Variants in ZC3H7B observed in about 807,000 individuals in gnomAD.
ZC3H7B encodes zinc finger CCCH domain-containing protein 7B.
Under a neutral mutation model 116.0 loss-of-function variants are expected in ZC3H7B, and 35 were observed. The ratio of observed to expected loss-of-function variants is 0.30; its 90% CI spans 0.23 to 0.40. The LOEUF (loss-of-function observed/expected upper bound fraction) is 0.40, where lower values mean the gene tolerates loss of function less well. ZC3H7B is among the 10% of genes least tolerant of loss of function. ZC3H7B has a pLI of 1.00. For missense variants in ZC3H7B, 1,011 were observed against 1,321.5 expected (o/e 0.77, Z 3.64); for synonymous variants, 502 against 545.6 (o/e 0.92, Z 1.11).
At chr22:41,309,008 CTTTTTTTTTTTTT>C (rs57147100) in intron 1 of ZC3H7B, among the ~76,000 whole-genome samples, 1 of 103,304 alleles carries the variant, frequency 9.7e-6, no homozygotes, top group Non-Finnish European at 1.9e-5. Context: ...TCCCAGTCTG[CTTTTTTTTTTTTT>C]TTTTTTTTGA....
At chr22:41,335,408 G>A (rs2036431434) in intron 7 of ZC3H7B, 2 of 152,294 alleles carry the variant, frequency 1.3e-5, no homozygotes, top group South Asian at 4.1e-4. Flanking sequence ...CAGAAGGAGT[G>A]CCATGCAGAA....
chr22:41,357,513 C>G lies in ZC3H7B; in HGVS notation c.*84C>G. 1 of 826,214 alleles carries G rather than the reference C, an allele frequency of 1.2e-6. No homozygotes were observed. The highest frequency in any genetic ancestry group is 1.7e-6 in the Non-Finnish European group (1 of 572,844). 51.2% of individuals were successfully genotyped at this position (826,214 alleles called of 1,614,324 possible). On this transcript the variant is annotated 3_prime_UTR_variant, in exon 23 of 23. Coordinates refer to ENST00000352645, the MANE Select transcript of ZC3H7B (RefSeq NM_017590.6). The surrounding 1 kb of genome is among the most constrained non-coding windows in gnomAD (Gnocchi z 5.4). ...GCCTGATAGAAGGGTCAGGGCAGGC[C>G]AGGGGGGTGGGGGGCCGCCCTCATC... is the stretch of plus-strand genomic sequence containing the variant.
Position 41,327,294 on chromosome 22 carries a change from C to T in ZC3H7B, c.374C>T (p.Ala125Val), listed in dbSNP as rs1482159598. ...SIRALFRKAR[A>V]LNELGRHKEA... ...CGGGCGTTGTTCCGCAAGGCACGCG[C>T]TCTCAATGAACTGGGACGCCACAAG... is the stretch of plus-strand genomic sequence containing the variant. The change falls in exon 5 of 23, where the codon GCT becomes GTT. Residue 125 changes from alanine (A) to valine (V), a missense_variant. Coordinates refer to ENST00000352645, the MANE Select transcript of ZC3H7B (RefSeq NM_017590.6). This position sits in a 1 kb window ranked among gnomAD's most constrained non-coding sequence, Gnocchi z 4.5. The T allele has an allele frequency of 6.2e-7, 1 of 1,613,838 alleles. No individual in the cohort carries two copies. The highest frequency in any genetic ancestry group is 8.5e-7 in the Non-Finnish European group (1 of 1,180,056).
In ZC3H7B at chr22:41,356,483, C is replaced by T. The variant is rs377109690; in HGVS notation, c.2517+7C>T. 1.2e-6 allele frequency: 2 copies of T among 1,613,786 alleles called. No homozygotes were observed. The highest frequency in any genetic ancestry group is 4.5e-5 in the East Asian group (2 of 44,898). ...GGACTACGCGGACATCATGGTAACGCCTCCGCCCTGCATGCTCGGGGCTGC... is the reference window on the plus strand; with the variant it reads ...GGACTACGCGGACATCATGGTAACGTCTCCGCCCTGCATGCTCGGGGCTGC... On this transcript the variant is annotated splice_region_variant and intron_variant, in intron 21 of 22. Coordinates refer to ENST00000352645, the MANE Select transcript of ZC3H7B (RefSeq NM_017590.6).
intron 17 of ZC3H7B, 104 bp from the exon 18 acceptor site, chr22:41,355,365 C>A (rs1056674514): frequency 9.6e-5 from 143 of 1,491,740 alleles, no homozygotes; most frequent in Non-Finnish European, 1.2e-4. Context: ...TGGGAGCAGA[C>A]CAGCTTATTC....
At chr22:41,313,695 T>C (rs1385517202) in intron 1 of ZC3H7B, among the ~76,000 whole-genome samples, 1 of 152,186 alleles carries the variant, frequency 6.6e-6, no homozygotes, top group Non-Finnish European at 1.5e-5. Context: ...CAGGCTTTCT[T>C]TTCACCTTAG....
intron 20 of ZC3H7B, 93 bp downstream of exon 20, chr22:41,356,155 C>G (rs1691293156): frequency 7.0e-7 from 1 of 1,431,830 alleles, no homozygotes; most frequent in East Asian, 2.3e-5. Flanking sequence ...GCGTCCACTG[C>G]ACCCCTTTGC....
rs754989297 is a variant in ZC3H7B, at chr22:41,327,251, C to A, written c.331C>A (p.Leu111Met). ...GGAGGACAGCGAGAAGGCGCTGGGC[C>A]TGGACAGTGAGAGTATCCGGGCGTT... ...ALEDSEKALG[L>M]DSESIRALFR... The change falls in exon 5 of 23, where the codon CTG becomes ATG. Residue 111 changes from leucine (L) to methionine (M), a missense_variant. By Grantham distance (15) the Leu-to-Met change is conservative. This residue lies in a region of ZC3H7B where 322 missense variants were observed against 443.9 expected (regional missense o/e 0.73). Transcript: ENST00000352645. The surrounding 1 kb of genome is among the most constrained non-coding windows in gnomAD (Gnocchi z 4.5). The A allele has an allele frequency of 2.5e-6, 4 of 1,613,970 alleles. No individual in the cohort carries two copies. Among genetic ancestry groups the A allele is most frequent in the Non-Finnish European group, 3.4e-6 (4 of 1,180,058 alleles).
chr22:41,319,155 A>G (rs2036220964), intron 1 of ZC3H7B, among the ~76,000 whole-genome samples: 1 of 152,170 alleles, frequency 6.6e-6, no homozygotes, highest in Non-Finnish European at 1.5e-5. Flanking sequence ...TAATCCCAGC[A>G]CTTTGGGAGG....
intron 1 of ZC3H7B, 78 bp from the exon 2 acceptor site, chr22:41,320,577 C>A: frequency 6.5e-7 from 1 of 1,539,276 alleles, no homozygotes; most frequent in Non-Finnish European, 9.0e-7. Context: ...CACCCAATCA[C>A]AGGACCCACG....
chr22:41,316,739 A>G lies in ZC3H7B; in HGVS notation c.-6-3916A>G, dbSNP rs1343068010. 3.3e-5 allele frequency among the ~76,000 whole-genome samples: 5 copies of G among 151,754 alleles called. No individual in the cohort carries two copies. The South Asian group carries it at 1.0e-3, about 32-fold the overall frequency. ...GCCCAGGCTGTAGTGCAACGGCGCA[A>G]TCTTGGCTCACTGCAACCTCTGCCT... On this transcript the variant is annotated intron_variant, in intron 1 of 22. Coordinates refer to ENST00000352645, the MANE Select transcript of ZC3H7B (RefSeq NM_017590.6).
chr22:41,316,464 T>G (rs1041555252), intron 1 of ZC3H7B, among the ~76,000 whole-genome samples: 3 of 151,104 alleles, frequency 2.0e-5, no homozygotes, highest in African/African-American at 7.3e-5. Context: ...CCCAGCTAAT[T>G]TTTGTATTTT....
chr22:41,310,490 A>G (rs902931489), intron 1 of ZC3H7B, among the ~76,000 whole-genome samples: 1 of 152,066 alleles, frequency 6.6e-6, no homozygotes, highest in Non-Finnish European at 1.5e-5. Flanking sequence ...AGCACAAGGC[A>G]CGAAAGCAAG....
chr22:41,357,518 G>T lies in ZC3H7B; in HGVS notation c.*89G>T, dbSNP rs934879878. 48 of 1,015,754 alleles carry T rather than the reference G, an allele frequency of 4.7e-5. No individual in the cohort carries two copies. Among genetic ancestry groups the T allele is most frequent in the Non-Finnish European group, 6.7e-5 (48 of 718,268 alleles). The allele number at this position is 1,015,754 out of a possible 1,614,324, so 62.9% of individuals were successfully genotyped here. A position where few individuals can be genotyped will look rare whatever the true frequency, so the allele number is the denominator to read the frequency against. On this transcript the variant is annotated 3_prime_UTR_variant, in exon 23 of 23. Transcript: ENST00000352645. The surrounding 1 kb of genome is among the most constrained non-coding windows in gnomAD (Gnocchi z 5.4). ...ATAGAAGGGTCAGGGCAGGCCAGGG[G>T]GGTGGGGGGCCGCCCTCATCAGGCA...
chr22:41,317,282 AAGAC>A (rs2036197366), intron 1 of ZC3H7B, among the ~76,000 whole-genome samples: 1 of 152,182 alleles, frequency 6.6e-6, no homozygotes, highest in Admixed American at 6.5e-5. Flanking sequence ...CCCGGCCAGA[AAGAC>A]AGTCTTGAAT....
chr22:41,302,934 A>G lies in ZC3H7B; in HGVS notation c.-7+1162A>G, dbSNP rs1376389271. 2.6e-5 allele frequency among the ~76,000 whole-genome samples: 4 copies of G among 152,188 alleles called. No individual in the cohort carries two copies. Among genetic ancestry groups the G allele is most frequent in the African/African-American group, 7.2e-5 (3 of 41,458 alleles). On this transcript the variant is annotated intron_variant, in intron 1 of 22. Coordinates refer to ENST00000352645, the MANE Select transcript of ZC3H7B (RefSeq NM_017590.6). This position sits in a 1 kb window ranked among gnomAD's most constrained non-coding sequence, Gnocchi z 5.7. ...CTTTGGCATCAGACTTTGAACCCCAACTTCTTGCCATATTCCTCAGCATCT... is the reference window on the plus strand; with the variant it reads ...CTTTGGCATCAGACTTTGAACCCCAGCTTCTTGCCATATTCCTCAGCATCT...
chr22:41,339,220 C>A (rs1479291212), intron 9 of ZC3H7B, 29 bp downstream of exon 9: 1 of 1,576,190 alleles, frequency 6.3e-7, no homozygotes, highest in African/African-American at 1.3e-5. Flanking sequence ...CTTGTGCTCC[C>A]CTGATCCCCT....
At chr22:41,336,699 C>T (rs920124056) in intron 7 of ZC3H7B, 1 of 151,838 alleles carries the variant, frequency 6.6e-6, no homozygotes, top group Non-Finnish European at 1.5e-5. Context: ...CAAAAATTAG[C>T]TGGGCATGGT....
intron 1 of ZC3H7B, among the ~76,000 whole-genome samples, chr22:41,313,571 C>T (rs1490301085): frequency 1.3e-5 from 2 of 152,126 alleles, no homozygotes; most frequent in African/African-American, 2.4e-5. Context: ...CAGGGCCTGC[C>T]TTGCTCATTT....
Sources: gnomAD v4.1 joint callset for allele counts (sites outside exome capture counted in the v4.1 genomes callset) on GRCh38, gnomAD v4.1.1 for gene constraint, gnomAD v4.1.1 regional missense constraint, Gnocchi (gnomAD v3.1) non-coding constraint, MANE v1.5 for transcripts, NCBI Gene and HGNC (gene_info 2026-07-23, HGNC 2026-07-21) for gene names.